Variants in GCNT4 observed in about 807,000 individuals in gnomAD.
GCNT4 encodes glucosaminyl (N-acetyl) transferase 4, also known as beta-1,3-galactosyl-O-glycosyl-glycoprotein beta-1,6-N-acetylglucosaminyltransferase 4.
GCNT4 carries 17 observed loss-of-function variants against 31.3 expected under a neutral mutation model. The ratio of observed to expected loss-of-function variants is 0.54; its 90% CI spans 0.37 to 0.81. The LOEUF is 0.81. Among genes scored for constraint, GCNT4 ranks in the 40% least tolerant of loss-of-function variants. The probability of loss-of-function intolerance (pLI) is 0.00; values close to 1 mark genes in which losing one functional copy is unlikely to be tolerated. For synonymous variants in GCNT4, 158 were observed against 190.6 expected (o/e 0.83, Z 1.41); for missense variants, 503 against 525.5 (o/e 0.96, Z 0.42).
At chr5:75,046,645 T>G (rs1743445790) in intron 3 of GCNT4, among the ~76,000 whole-genome samples, 1 of 152,102 alleles carries the variant, frequency 6.6e-6, no homozygotes, top group African/African-American at 2.4e-5. Flanking sequence ...GGGTCATCCT[T>G]GCCAGTTTTC....
At chr5:75,016,976 T>C in the GCNT4 span, among the ~76,000 whole-genome samples, 1 of 152,178 alleles carries the variant, frequency 6.6e-6, no homozygotes, top group Non-Finnish European at 1.5e-5. Flanking sequence ...TCTATTATTA[T>C]GAAAGAAGGA....
At chr5:75,035,691 C>T (rs543720661) in intron 3 of GCNT4, among the ~76,000 whole-genome samples, 5 of 152,310 alleles carry the variant, frequency 3.3e-5, no homozygotes, top group South Asian at 2.1e-4. Context: ...CCAACGCTGG[C>T]GCTTTCTGAC....
downstream of GCNT4, among the ~76,000 whole-genome samples, chr5:75,020,430 C>T (rs967818709): frequency 1.3e-5 from 2 of 151,988 alleles, no homozygotes; most frequent in Non-Finnish European, 2.9e-5. Context: ...GGCTGCTGAC[C>T]CTGTGGCTGG....
At chr5:75,053,639 C>T (rs1315309129), upstream of GCNT4, among the ~76,000 whole-genome samples, 4 of 151,958 alleles carry the variant, frequency 2.6e-5, no homozygotes, top group Non-Finnish European at 5.9e-5. Flanking sequence ...CCGCGCTCCT[C>T]CGTCGCCCTG....
Position 75,028,934 on chromosome 5 carries a change from A to C in GCNT4, c.1104T>G (p.Leu368=), listed in dbSNP as rs926303066. Residue 368 remains leucine, a synonymous_variant, in exon 4 of 4, where the codon CTT becomes CTG. Transcript: ENST00000652361. ...AGCCTTCATAGTAATTCCACTTGAC[A>C]AGGCGAGTCTTACTCTGCAGATCAG... ...DVSDLQSKTR[L]VKWNYYEGFF... 25 of 1,613,878 alleles carry C rather than the reference A, an allele frequency of 1.5e-5. No individual in the cohort carries two copies. The highest frequency in any genetic ancestry group is 2.1e-5 in the Non-Finnish European group (25 of 1,180,024).
intron 3 of GCNT4, among the ~76,000 whole-genome samples, chr5:75,047,385 G>T (rs1561378826): frequency 6.6e-6 from 1 of 152,108 alleles, no homozygotes; most frequent in African/African-American, 2.4e-5. Context: ...TATGGCAAGG[G>T]AGCACATGGC....
downstream of GCNT4, among the ~76,000 whole-genome samples, chr5:75,022,527 A>G (rs1360446267): frequency 1.3e-5 from 2 of 152,204 alleles, no homozygotes; most frequent in African/African-American, 4.8e-5. Flanking sequence ...AACAGCATCA[A>G]TCTCACTTAG....
chr5:75,025,032 C>A (rs1050709874), downstream of GCNT4, among the ~76,000 whole-genome samples: 8 of 148,084 alleles, frequency 5.4e-5, no homozygotes, highest in African/African-American at 2.0e-4. Flanking sequence ...ATAAAAAGTT[C>A]AACCTACCCT....
chr5:75,045,898 A>C (rs1382414683), intron 3 of GCNT4, among the ~76,000 whole-genome samples: 2 of 152,238 alleles, frequency 1.3e-5, no homozygotes, highest in African/African-American at 2.4e-5. Flanking sequence ...GAAATTTTCC[A>C]GAAAAGACAG....
chr5:75,046,771 G>C lies in GCNT4; in HGVS notation c.-2+1126C>G, dbSNP rs191178759. Among the ~76,000 whole-genome samples, 180 of 152,330 alleles carry C rather than the reference G, an allele frequency of 1.2e-3. 2 individuals are homozygous for C. The highest frequency in any genetic ancestry group is 3.4e-3 in the Admixed American group (52 of 15,306). ...GCTAGAAGCACAGAGGATTCCTGGG[G>C]AAGGAGTTAAAAATAGGCCACTCCA... On this transcript the variant is annotated intron_variant, in intron 3 of 3. Transcript: ENST00000652361.
intron 3 of GCNT4, among the ~76,000 whole-genome samples, chr5:75,037,574 A>T (rs1743226634): frequency 6.6e-6 from 1 of 152,122 alleles, no homozygotes; most frequent in Non-Finnish European, 1.5e-5. Flanking sequence ...TATAAAGTAA[A>T]CACTTTCAGG....
downstream of GCNT4, among the ~76,000 whole-genome samples, chr5:75,020,936 T>A (rs1179267909): frequency 2.3e-5 from 3 of 130,556 alleles, no homozygotes; most frequent in Non-Finnish European, 5.3e-5. Flanking sequence ...CATGCTCTTC[T>A]CTCTCTCTGT....
At position 75,025,650 on chromosome 5, in the gene GCNT4, A is replaced by AT. The variant is rs1742934359; in HGVS notation, c.*3025dup. The AT allele has an allele frequency of 6.6e-6, 1 of 152,240 alleles. No homozygotes were observed. Among genetic ancestry groups the AT allele is most frequent in the Admixed American group, 6.5e-5 (1 of 15,286 alleles). 9.4% of individuals were successfully genotyped at this position (152,240 alleles called of 1,614,324 possible). A position where few individuals can be genotyped will look rare whatever the true frequency, so the allele number is the denominator to read the frequency against. On this transcript the variant is annotated 3_prime_UTR_variant, in exon 4 of 4. Coordinates refer to ENST00000652361, the MANE Select transcript of GCNT4 (RefSeq NM_001366737.1). ...TATTTTCCATGAAATATGTCAAAAT[A>AT]TATGCAAGTATATCTTCACATTCTG...
Position 75,028,765 on chromosome 5 carries a change from C to T in GCNT4, c.1273G>A (p.Ala425Thr). 6.2e-7 allele frequency: 1 copy of T among 1,613,998 alleles called. No individual in the cohort carries two copies. The highest frequency in any genetic ancestry group is 8.5e-7 in the Non-Finnish European group (1 of 1,179,986). The change falls in exon 4 of 4, where the codon GCA (alanine) becomes ACA (threonine). Residue 425 changes from alanine to threonine, a missense_variant. By Grantham distance (58) the Ala-to-Thr change is moderately conservative (BLOSUM62 0). Transcript: ENST00000652361. The part of the protein sequence containing the change: ...KVDPILIKCL[A>T]EKLEEQQRDW... Reference sequence around the variant, plus strand: ...CTCTGCTGTTCTTCAAGCTTTTCTGCCAAGCATTTAATCAAGATAGGGTCC... The same window carrying T: ...CTCTGCTGTTCTTCAAGCTTTTCTGTCAAGCATTTAATCAAGATAGGGTCC...
chr5:75,019,163 C>T, the GCNT4 span, among the ~76,000 whole-genome samples: 3 of 152,078 alleles, frequency 2.0e-5, no homozygotes, highest in Admixed American at 1.3e-4. Context: ...GGTAGAGCTC[C>T]CATAAATGGG....
At chr5:75,041,132 G>C (rs1743308341) in intron 3 of GCNT4, among the ~76,000 whole-genome samples, 1 of 152,208 alleles carries the variant, frequency 6.6e-6, no homozygotes, top group South Asian at 2.1e-4. Flanking sequence ...CAATTCTCCA[G>C]GTATTGCAAA....
At chr5:75,036,557 C>T (rs1301972621) in intron 3 of GCNT4, among the ~76,000 whole-genome samples, 1 of 152,234 alleles carries the variant, frequency 6.6e-6, no homozygotes, top group Non-Finnish European at 1.5e-5. Flanking sequence ...TAAATTTTCT[C>T]ATTACTATGT....
intron 3 of GCNT4, among the ~76,000 whole-genome samples, chr5:75,036,293 A>G (rs1274951449): frequency 6.6e-6 from 1 of 152,214 alleles, no homozygotes; most frequent in African/African-American, 2.4e-5. Context: ...AGTACTCTAG[A>G]TGTAATTCAA....
rs186589980 is a variant in GCNT4, at chr5:75,027,336, C to T, written c.*1340G>A. On this transcript the variant is annotated 3_prime_UTR_variant, in exon 4 of 4. Coordinates refer to ENST00000652361, the MANE Select transcript of GCNT4 (RefSeq NM_001366737.1). ...TGTATATATAATATATATTCATATA[C>T]AATATATGTATATATAATATATATA... The T allele has an allele frequency of 2.0e-3, 76 of 38,194 alleles. No individual in the cohort carries two copies. Among genetic ancestry groups the T allele is most frequent in the African/African-American group, 4.8e-3 (15 of 3,098 alleles). 2.4% of individuals were successfully genotyped at this position (38,194 alleles called of 1,614,324 possible).
Sources: gnomAD v4.1 joint callset for allele counts (sites outside exome capture counted in the v4.1 genomes callset) on GRCh38, gnomAD v4.1.1 for gene constraint, MANE v1.5 for transcripts, NCBI Gene and HGNC (gene_info 2026-07-23, HGNC 2026-07-21) for gene names.